Variants in DUS2 observed in about 807,000 individuals in gnomAD.
DUS2 encodes the protein dihydrouridine synthase 2, also known as tRNA-dihydrouridine(20) synthase [NAD(P)+]-like.
DUS2 carries 52 observed loss-of-function variants against 71.3 expected under a neutral mutation model. The ratio of observed to expected loss-of-function variants is 0.73; its 90% confidence interval spans 0.58 to 0.92. The LOEUF (loss-of-function observed/expected upper bound fraction) is 0.92. DUS2 is among the 40% of genes least tolerant of loss of function. DUS2 has a pLI of 0.00. For synonymous variants in DUS2, 204 were observed against 227.8 expected, an observed-to-expected ratio of 0.90 and a Z score of 0.94; for missense variants, 558 against 622.6, an observed-to-expected ratio of 0.90 and a Z score of 1.10.
chr16:68,057,089 A>G (rs1051012426), intron 7 of DUS2, among the ~76,000 whole-genome samples: 1 of 139,130 alleles, frequency 7.2e-6, no homozygotes, highest in Non-Finnish European at 1.5e-5. Context: ...TATATAATAT[A>G]TAATTATAGA....
At chr16:68,041,578 C>T (rs375701417) in intron 3 of DUS2, among the ~76,000 whole-genome samples, 15 of 151,888 alleles carry the variant, frequency 9.9e-5, no homozygotes, top group Non-Finnish European at 1.6e-4. Flanking sequence ...TTTGGGAGGC[C>T]GAGGCAGGTG....
At chr16:68,055,801 G>A (rs2033843730) in intron 6 of DUS2, among the ~76,000 whole-genome samples, 1 of 148,352 alleles carries the variant, frequency 6.7e-6, no homozygotes, top group South Asian at 2.2e-4. Context: ...TATTTAGGTT[G>A]GTGCAAAAGT....
intron 1 of DUS2, 53 bp downstream of exon 1, chr16:68,023,404 G>T: frequency 1.5e-6 from 1 of 654,342 alleles, no homozygotes; most frequent in Middle Eastern, 4.4e-4. Context: ...CAGCCTTGGG[G>T]AAGGGCGCGT....
intron 2 of DUS2, among the ~76,000 whole-genome samples, 198 bp downstream of exon 2, chr16:68,025,692 C>T (rs1396868140): frequency 6.6e-6 from 1 of 152,068 alleles, no homozygotes; most frequent in African/African-American, 2.4e-5. Context: ...TAGACACTGC[C>T]TACCTTTTTT....
chr16:68,035,740 A>T (rs1172298610), intron 2 of DUS2, among the ~76,000 whole-genome samples: 1 of 139,616 alleles, frequency 7.2e-6, no homozygotes. Context: ...TTTTTGAGAC[A>T]TTTACCCTCT....
At chr16:68,030,909 T>A (rs573992633) in intron 2 of DUS2, among the ~76,000 whole-genome samples, 60 of 151,970 alleles carry the variant, frequency 3.9e-4, no homozygotes, top group African/African-American at 1.3e-3. Context: ...AGTTAAAAAA[T>A]ATATATATAT....
chr16:68,028,448 A>G (rs2033388710), intron 2 of DUS2, among the ~76,000 whole-genome samples: 1 of 152,106 alleles, frequency 6.6e-6, no homozygotes, highest in South Asian at 2.1e-4. Flanking sequence ...AGTCTGGCCA[A>G]CATGGTGAAA....
At chr16:68,052,922 C>T (rs377415711) in intron 4 of DUS2, among the ~76,000 whole-genome samples, 2 of 150,994 alleles carry the variant, frequency 1.3e-5, no homozygotes, top group African/African-American at 2.4e-5. Context: ...GGATTACAAG[C>T]GTGAGCCACT....
chr16:68,037,717 C>A (rs1262562462), intron 2 of DUS2, among the ~76,000 whole-genome samples: 1 of 152,064 alleles, frequency 6.6e-6, no homozygotes, highest in African/African-American at 2.4e-5. Flanking sequence ...TCGTGCCTAG[C>A]TGTAAAACTC....
intron 3 of DUS2, among the ~76,000 whole-genome samples, chr16:68,040,344 A>T (rs948516672): frequency 7.2e-5 from 11 of 152,062 alleles, no homozygotes; most frequent in African/African-American, 2.7e-4. Flanking sequence ...TGGCCTCCCA[A>T]AGTGCTGGGA....
rs550288426 is a variant in DUS2 at position 68,028,633 on chromosome 16, C to T, written c.-19+3139C>T. Among the ~76,000 whole-genome samples, 6 of 152,176 alleles carry T rather than the reference C, an allele frequency of 3.9e-5. No individual in the cohort carries two copies. The East Asian group carries it at 9.7e-4, about 25-fold the overall frequency. ...CATCCTGGGAGACAGTAGGAGACTCCGTCTCAAAACAAACAAACAAACAAA... is the reference window on the plus strand; with the variant it reads ...CATCCTGGGAGACAGTAGGAGACTCTGTCTCAAAACAAACAAACAAACAAA... On this transcript the variant is annotated intron_variant, in intron 2 of 16. Transcript: ENST00000565263.
chr16:68,073,766 T>A (rs1357459895), intron 12 of DUS2, among the ~76,000 whole-genome samples: 3 of 152,120 alleles, frequency 2.0e-5, no homozygotes, highest in South Asian at 2.1e-4. Context: ...TTCTTTTTTT[T>A]AATTTTTGTA....
At chr16:68,052,508 T>G (rs140171737) in intron 4 of DUS2, among the ~76,000 whole-genome samples, 296 of 152,330 alleles carry the variant, frequency 1.9e-3, no homozygotes, top group Non-Finnish European at 3.5e-3. Context: ...TATAGGAGAT[T>G]GATTGTTATA....
chr16:68,059,292 T>A (rs1346580339), intron 7 of DUS2, among the ~76,000 whole-genome samples: 1 of 152,180 alleles, frequency 6.6e-6, no homozygotes, highest in Non-Finnish European at 1.5e-5. Flanking sequence ...CGTTACCCAT[T>A]TGAATCTCTC....
In DUS2 at chr16:68,043,015, G is replaced by C. The variant is rs540277232; in HGVS notation, c.126+4866G>C. Among the ~76,000 whole-genome samples, 16 of 152,168 alleles carry C rather than the reference G, an allele frequency of 1.1e-4. No individual in the cohort carries two copies. The East Asian group carries it at 3.1e-3, about 30-fold the overall frequency. On this transcript the variant is annotated intron_variant, in intron 3 of 16. Coordinates refer to ENST00000565263, the MANE Select transcript of DUS2 (RefSeq NM_017803.5). ...GAGCCACCATGCCCAGCCACATCTG[G>C]CTAATTTTAAAATCTTTTGTAGAGA...
At chr16:68,033,591 C>A (rs1416065102) in intron 2 of DUS2, among the ~76,000 whole-genome samples, 1 of 150,786 alleles carries the variant, frequency 6.6e-6, no homozygotes, top group Non-Finnish European at 1.5e-5. Context: ...CCCAAGTGAT[C>A]CTCCAACTTC....
chr16:68,075,436 T>A lies in DUS2; in HGVS notation c.1014T>A (p.Thr338=), dbSNP rs1293351053. The A allele has an allele frequency of 5.0e-6, 8 of 1,614,014 alleles. No homozygotes were observed. Among genetic ancestry groups the A allele is most frequent in the Non-Finnish European group, 6.8e-6 (8 of 1,179,924 alleles). The change falls in exon 14 of 17, where the codon ACT becomes ACA. Residue 338 remains threonine, a synonymous_variant. Transcript: ENST00000565263. ...DAQQARLSAK[T]SEQTGEPAED... The stretch of plus-strand genomic sequence containing the variant: ...AGCAGGCCAGGCTCTCAGCCAAGAC[T>A]TCAGAGCAGACAGGGGAGCCAGCTG...
intron 8 of DUS2, 66 bp downstream of exon 8, chr16:68,061,179 G>C: frequency 2.6e-6 from 4 of 1,513,228 alleles, no homozygotes; most frequent in Non-Finnish European, 3.7e-6. Context: ...TGTCTAGAAC[G>C]CCTCCTTCCA....
At chr16:68,029,317 A>AT (rs1192591061) in intron 2 of DUS2, among the ~76,000 whole-genome samples, 4 of 151,708 alleles carry the variant, frequency 2.6e-5, no homozygotes. Flanking sequence ...TTTAATTTTT[A>AT]TTTTTAATAG....
Sources: gnomAD v4.1 joint callset for allele counts (sites outside exome capture counted in the v4.1 genomes callset) on GRCh38, gnomAD v4.1.1 for gene constraint, MANE v1.5 for transcripts, NCBI Gene and HGNC (gene_info 2026-07-23, HGNC 2026-07-21) for gene names.